SLC13A4: variants seen among roughly 807,000 people sequenced by gnomAD.
The protein encoded by SLC13A4 is solute carrier family 13 member 4.
In SLC13A4, 28 loss-of-function variants were observed where a neutral mutation model predicts 72.7. The observed-to-expected ratio is 0.39, with a 90% CI of 0.29 to 0.53. SLC13A4 has a LOEUF of 0.53. Among genes scored for constraint, SLC13A4 ranks in the 20% least tolerant of loss-of-function variants. SLC13A4 has a pLI of 0.78. For missense variants in SLC13A4, 653 were observed against 788.0 expected, an observed-to-expected ratio of 0.83 and a Z score of 2.05; for synonymous variants, 312 against 325.5, an observed-to-expected ratio of 0.96 and a Z score of 0.45.
At chr7:135,710,118 A>G (rs1358975140) in intron 2 of SLC13A4, among the ~76,000 whole-genome samples, 1 of 152,240 alleles carries the variant, frequency 6.6e-6, no homozygotes, top group Non-Finnish European at 1.5e-5. Context: ...AACCCTCTTA[A>G]AGTGAGAAAA....
chr7:135,705,451 TGGGCGGGGTGGGG>T, intron 5 of SLC13A4, 132 bp downstream of exon 5: 1 of 502,088 alleles, frequency 2.0e-6, no homozygotes, highest in Admixed American at 3.7e-5. Context: ...TGGGGGAGGT[TGGGCGGGGTGGGG>T]GGGTGGTGTG....
At chr7:135,695,101 G>C (rs989772071) in intron 9 of SLC13A4, among the ~76,000 whole-genome samples, 2 of 152,222 alleles carry the variant, frequency 1.3e-5, no homozygotes, top group African/African-American at 2.4e-5. Flanking sequence ...CTCAGACTTT[G>C]TATAAACTGG....
intron 1 of SLC13A4, among the ~76,000 whole-genome samples, chr7:135,726,314 G>A (rs939432123): frequency 2.6e-5 from 4 of 152,186 alleles, no homozygotes; most frequent in Non-Finnish European, 4.4e-5. Flanking sequence ...TTTAATCAGC[G>A]TCTCCCTGGC....
chr7:135,691,822 T>C (rs1181770781), intron 11 of SLC13A4, 177 bp from the exon 12 acceptor site: 3 of 560,398 alleles, frequency 5.4e-6, no homozygotes, highest in Non-Finnish European at 6.4e-6. Flanking sequence ...TAATGGGCAA[T>C]GGCGAATGTC....
At chr7:135,711,530 G>A (rs1001096309) in intron 2 of SLC13A4, among the ~76,000 whole-genome samples, 2 of 152,124 alleles carry the variant, frequency 1.3e-5, no homozygotes, top group African/African-American at 4.8e-5. Flanking sequence ...AGCACTATCC[G>A]TATCTCAGTT....
intron 2 of SLC13A4, among the ~76,000 whole-genome samples, chr7:135,715,420 AGT>A (rs1238484040): frequency 2.1e-5 from 2 of 96,004 alleles, no homozygotes; most frequent in Non-Finnish European, 4.2e-5. Context: ...TGTGTGTATG[AGT>A]GTGTGAGCGT....
At chr7:135,691,037 G>A (rs137958063) in intron 13 of SLC13A4, among the ~76,000 whole-genome samples, 164 bp downstream of exon 13, 3 of 152,140 alleles carry the variant, frequency 2.0e-5, no homozygotes, top group Non-Finnish European at 2.9e-5. Context: ...CATGGTGCAC[G>A]CCTGTAATCC....
At chr7:135,723,803 G>A (rs1371713979) in intron 1 of SLC13A4, among the ~76,000 whole-genome samples, 2 of 152,094 alleles carry the variant, frequency 1.3e-5, no homozygotes, top group African/African-American at 4.8e-5. Context: ...ATGGGAACTG[G>A]GCCCAAAAGT....
rs372448297 is a variant in SLC13A4 at position 135,684,137 on chromosome 7, T to C, written c.1733A>G (p.Gln578Arg). ...NAIVFSYGHC[Q>R]IKDMVKAGLG... The stretch of plus-strand genomic sequence containing the variant: ...ACCCCAACTCACCATATCTTTGATC[T>C]GGCAGTGCCCATAGCTGAAGACGAT... The change falls in exon 15 of 16, where the codon CAG becomes CGG. Residue 578 changes from glutamine (Q) to arginine (R), a missense_variant. Transcript: ENST00000682651. 2.6e-5 allele frequency: 41 copies of C among 1,606,600 alleles called. No individual in the cohort carries two copies. The highest frequency in any genetic ancestry group is 3.5e-5 in the Non-Finnish European group (41 of 1,174,866).
intron 1 of SLC13A4, among the ~76,000 whole-genome samples, chr7:135,727,127 A>C (rs1008273513): frequency 1.3e-5 from 2 of 152,112 alleles, no homozygotes; most frequent in African/African-American, 4.8e-5. Context: ...TTGGTGCAAC[A>C]CCCATCAGTC....
intron 13 of SLC13A4, 140 bp from the exon 14 acceptor site, chr7:135,685,823 G>A (rs1795610088): frequency 4.1e-6 from 3 of 733,052 alleles, no homozygotes; most frequent in Non-Finnish European, 6.7e-6. Flanking sequence ...GGAACCAGAG[G>A]TGTTCCTGAT....
chr7:135,714,592 G>C (rs778950393), intron 2 of SLC13A4, among the ~76,000 whole-genome samples: 3 of 152,232 alleles, frequency 2.0e-5, no homozygotes, highest in Non-Finnish European at 4.4e-5. Context: ...TGGCCAGCTG[G>C]ATGTCCAGCC....
At chr7:135,723,345 A>G (rs903365905) in intron 1 of SLC13A4, among the ~76,000 whole-genome samples, 4 of 152,162 alleles carry the variant, frequency 2.6e-5, no homozygotes, top group Non-Finnish European at 5.9e-5. Flanking sequence ...CATTCTTATC[A>G]GAAGCCAGCC....
At chr7:135,726,287 GC>G (rs1796655237) in intron 1 of SLC13A4, among the ~76,000 whole-genome samples, 2 of 152,224 alleles carry the variant, frequency 1.3e-5, no homozygotes, top group Non-Finnish European at 2.9e-5. Flanking sequence ...ATCACTGTCT[GC>G]TAATCCCAGC....
chr7:135,718,729 G>A (rs886480226), intron 2 of SLC13A4, among the ~76,000 whole-genome samples: 9 of 152,130 alleles, frequency 5.9e-5, no homozygotes, highest in Non-Finnish European at 1.0e-4. Context: ...AACCCAAGTC[G>A]CAGTAAGAGG....
chr7:135,723,496 T>C (rs1025509351), intron 1 of SLC13A4, among the ~76,000 whole-genome samples: 3 of 152,246 alleles, frequency 2.0e-5, no homozygotes, highest in African/African-American at 7.2e-5. Context: ...GCTCCGTGAC[T>C]CAGAAGAGCA....
chr7:135,689,204 AT>A (rs1235312875), intron 13 of SLC13A4, among the ~76,000 whole-genome samples: 1 of 152,120 alleles, frequency 6.6e-6, no homozygotes, highest in African/African-American at 2.4e-5. Context: ...AAAAAAAAAA[AT>A]AAAATCTTGC....
chr7:135,706,168 G>A lies in SLC13A4; in HGVS notation c.498C>T (p.Leu166=), dbSNP rs1563164525. The change falls in exon 4 of 16, where the codon CTC becomes CTT. Residue 166 remains leucine (L), a synonymous_variant. Transcript: ENST00000682651. The part of the protein sequence containing the change: ...QELVSAEDEQ[L]VAGNSNTEEA... ...CTTCGGTGTTGGAGTTGCCCGCCAC[G>A]AGCTGCTCGTCCTCAGCACTGACCA... 8.1e-6 allele frequency: 13 copies of A among 1,608,344 alleles called. No homozygotes were observed. The highest frequency in any genetic ancestry group is 1.0e-5 in the Non-Finnish European group (12 of 1,175,388).
chr7:135,684,633 C>G (rs904147114), intron 14 of SLC13A4, among the ~76,000 whole-genome samples: 1 of 146,346 alleles, frequency 6.8e-6, no homozygotes, highest in African/African-American at 2.5e-5. Flanking sequence ...TCTTAGGGTA[C>G]AGAACTAAGG....
Sources: gnomAD v4.1 joint callset for allele counts (sites outside exome capture counted in the v4.1 genomes callset) on GRCh38, gnomAD v4.1.1 for gene constraint, MANE v1.5 for transcripts, NCBI Gene and HGNC (gene_info 2026-07-23, HGNC 2026-07-21) for gene names.